Variants in MMP1 observed in about 807,000 individuals in gnomAD.
MMP1 encodes the protein interstitial collagenase.
A neutral mutation model predicts 49.6 loss-of-function variants in MMP1; 51 were observed. That is an observed-to-expected ratio of 1.03 (90% confidence interval 0.82 to 1.30). MMP1 has a LOEUF of 1.30. MMP1 is among the 50% of genes most tolerant of loss of function. The probability of loss-of-function intolerance (pLI) is 0.00; values close to 1 mark genes in which losing one functional copy is unlikely to be tolerated. For missense variants in MMP1, 623 were observed against 568.7 expected (o/e 1.10, Z -0.97); for synonymous variants, 230 against 196.8 (o/e 1.17, Z -1.41).
Position 102,792,755 on chromosome 11 carries a change from C to G in MMP1, c.900-17G>C. On this transcript the variant is annotated splice_polypyrimidine_tract_variant and intron_variant, in intron 6 of 9. Transcript: ENST00000315274. The stretch of plus-strand genomic sequence containing the variant: ...ATGTAGAATCTGATTAGAAAAAAAG[C>G]AAGAAAAGTTTCCATCTAATTTCTG... 1 of 1,605,164 alleles carries G rather than the reference C, an allele frequency of 6.2e-7. No individual in the cohort carries two copies. The highest frequency in any genetic ancestry group is 8.5e-7 in the Non-Finnish European group (1 of 1,174,918).
chr11:102,791,481 C>T lies in MMP1; in HGVS notation c.1048G>A (p.Ala350Thr), dbSNP rs149950482. The change falls in exon 8 of 10, where the codon GCT (alanine) becomes ACT (threonine). Residue 350 changes from alanine (A) to threonine (T), a missense_variant. By Grantham distance (58) the Ala-to-Thr change is moderately conservative. Transcript: ENST00000315274. ...VRFFKGNKYWAVQGQNVLHGY... is the reference protein window; with the variant it reads ...VRFFKGNKYWTVQGQNVLHGY... ...TGTAGCACATTCTGTCCCTGAACAG[C>T]CCAGTACTTATTCCCTGCCAATCAA... 388 of 1,613,564 alleles carry T rather than the reference C, an allele frequency of 2.4e-4. 2 individuals carry two copies. Among genetic ancestry groups the T allele is most frequent in the Non-Finnish European group, 9.6e-5 (113 of 1,179,708 alleles).
In MMP1 at chr11:102,795,267, G is replaced by T; in HGVS notation, c.806C>A (p.Pro269His). 1 of 1,614,040 alleles carries T rather than the reference G, an allele frequency of 6.2e-7. No homozygotes were observed. Among genetic ancestry groups the T allele is most frequent in the Non-Finnish European group, 8.5e-7 (1 of 1,179,990 alleles). ...CGCTTTTGGGGTTTGTGGGCCGATG[G>T]GCTGGACAGGATTTTGGGAACGTCC... ...IYGRSQNPVQ[P>H]IGPQTPKACD... Residue 269 changes from proline to histidine, a missense_variant, in exon 6 of 10, where the codon CCC becomes CAC. Transcript: ENST00000315274.
Position 102,796,731 on chromosome 11 carries a change from T to C in MMP1, c.558A>G (p.Gln186=), listed in dbSNP as rs761145121. The C allele has an allele frequency of 1.3e-5, 21 of 1,613,912 alleles. No homozygotes were observed. Among genetic ancestry groups the C allele is most frequent in the Non-Finnish European group, 6.8e-6 (8 of 1,179,970 alleles). The part of the protein sequence containing the change: ...GPGGNLAHAF[Q]PGPGIGGDAH... ...CATCCCCTCCAATACCTGGGCCTGG[T>C]TGAAAAGCATGAGCAAGATTTCCTC... Residue 186 remains glutamine, a synonymous_variant, in exon 4 of 10, where the codon CAA becomes CAG. Transcript: ENST00000315274.
rs377007368 is a variant in MMP1 at position 102,797,001 on chromosome 11, A to G, written c.499+13T>C. 31 of 1,609,168 alleles carry G rather than the reference A, an allele frequency of 1.9e-5. 1 individual carries two copies. The Middle Eastern group carries it at 4.9e-4, about 26-fold the overall frequency. ...GGGCAAGGTGAGGTTAAGGTGCTATAAGAAGAACTTACCTCCCCTGACAAA... is the reference window on the plus strand; with the variant it reads ...GGGCAAGGTGAGGTTAAGGTGCTATGAGAAGAACTTACCTCCCCTGACAAA... On this transcript the variant is annotated intron_variant, in intron 3 of 9. Transcript: ENST00000315274.
At chr11:102,792,861 C>G in intron 6 of MMP1, 123 bp from the exon 7 acceptor site, 1 of 871,704 alleles carries the variant, frequency 1.1e-6, no homozygotes, top group African/African-American at 1.7e-5. Flanking sequence ...TAACATTCAG[C>G]TCTCCAAAGA....
intron 6 of MMP1, 151 bp downstream of exon 6, chr11:102,795,023 T>C: frequency 1.4e-6 from 1 of 692,544 alleles, no homozygotes; most frequent in East Asian, 2.5e-5. Context: ...TACAAGTACA[T>C]TATGTTGCAC....
Position 102,797,508 on chromosome 11 carries a change from A to C in MMP1, c.106-8T>G. On this transcript the variant is annotated splice_region_variant and splice_polypyrimidine_tract_variant and intron_variant, in intron 1 of 9. Transcript: ENST00000315274. ...GTATTTTTCCAGGTATTTCTGACAAAAGAAAATTATCGAAACACTGCATGG... is the reference window on the plus strand; with the variant it reads ...GTATTTTTCCAGGTATTTCTGACAACAGAAAATTATCGAAACACTGCATGG... The C allele has an allele frequency of 6.2e-7, 1 of 1,613,274 alleles. No individual in the cohort carries two copies. The highest frequency in any genetic ancestry group is 8.5e-7 in the Non-Finnish European group (1 of 1,179,470).
chr11:102,795,522 G>A lies in MMP1; in HGVS notation c.711C>T (p.Tyr237=). The change falls in exon 5 of 10, where the codon TAC becomes TAT. Residue 237 remains tyrosine (Y), a synonymous_variant. Transcript: ENST00000315274. Reference sequence around the variant, plus strand: ...CATCACCACTGAAGGTGTAGCTAGGGTACATCAAAGCCCCGATATCAGTAG... The same window carrying A: ...CATCACCACTGAAGGTGTAGCTAGGATACATCAAAGCCCCGATATCAGTAG... ...SHSTDIGALM[Y]PSYTFSGDVQ... The A allele has an allele frequency of 3.1e-6, 5 of 1,614,024 alleles. No homozygotes were observed. Among genetic ancestry groups the A allele is most frequent in the South Asian group, 2.2e-5 (2 of 91,082 alleles).
chr11:102,790,761 C>T lies in MMP1; in HGVS notation c.1242G>A (p.Met414Ile). ...CAATTCCAGGAAAGTCATGTGCTAT[C>T]ATTTTGGGATAACCTGGATCCATAG... ...KRSMDPGYPKMIAHDFPGIGH... is the reference protein window; with the variant it reads ...KRSMDPGYPKIIAHDFPGIGH... Residue 414 changes from methionine to isoleucine, a missense_variant, in exon 9 of 10, where the codon ATG becomes ATA. Met to Ile is a conservative substitution (Grantham distance 10). Coordinates refer to ENST00000315274, the MANE Select transcript of MMP1 (RefSeq NM_002421.4). The T allele has an allele frequency of 1.2e-6, 2 of 1,613,594 alleles. No homozygotes were observed. The highest frequency in any genetic ancestry group is 1.1e-5 in the South Asian group (1 of 91,062).
rs925535869 is a variant in MMP1 at position 102,791,421 on chromosome 11, A to G, written c.1108T>C (p.Phe370Leu). ...TCGATATGCTTCACAGTTCTAGGGA[A>G]GCCAAAGGAGCTGTAGATGTCCTTG... ...YPKDIYSSFG[F>L]PRTVKHIDAA... Residue 370 changes from phenylalanine to leucine, a missense_variant, in exon 8 of 10, where the codon TTC becomes CTC. Physicochemically the swap from Phe to Leu is conservative, Grantham distance 22. Transcript: ENST00000315274. The G allele has an allele frequency of 6.2e-7, 1 of 1,614,060 alleles. No individual in the cohort carries two copies. Among genetic ancestry groups the G allele is most frequent in the Non-Finnish European group, 8.5e-7 (1 of 1,179,906 alleles).
chr11:102,796,896 A>G, intron 3 of MMP1, 107 bp from the exon 4 acceptor site: 1 of 1,534,378 alleles, frequency 6.5e-7, no homozygotes, highest in Non-Finnish European at 8.8e-7. Flanking sequence ...ATCAACTGTG[A>G]TGCAGTTTCC....
chr11:102,792,123 T>A (rs1271555980), intron 7 of MMP1, among the ~76,000 whole-genome samples: 2 of 152,218 alleles, frequency 1.3e-5, no homozygotes, highest in Non-Finnish European at 2.9e-5. Context: ...CTAACATCCA[T>A]TTAATTTCAT....
At position 102,791,423 on chromosome 11, in the gene MMP1, C is replaced by A. The variant is rs766661356; in HGVS notation, c.1106G>T (p.Gly369Val). The A allele has an allele frequency of 6.2e-7, 1 of 1,614,008 alleles. No individual in the cohort carries two copies. The highest frequency in any genetic ancestry group is 8.5e-7 in the Non-Finnish European group (1 of 1,179,900). The change falls in exon 8 of 10, where the codon GGC becomes GTC. Residue 369 changes from glycine to valine, a missense_variant. Coordinates refer to ENST00000315274, the MANE Select transcript of MMP1 (RefSeq NM_002421.4). ...GATATGCTTCACAGTTCTAGGGAAG[C>A]CAAAGGAGCTGTAGATGTCCTTGGG... is the stretch of plus-strand genomic sequence containing the variant. Reference protein sequence around the residue: ...GYPKDIYSSFGFPRTVKHIDA... With the variant: ...GYPKDIYSSFVFPRTVKHIDA...
At position 102,790,957 on chromosome 11, in the gene MMP1, T is replaced by C. The variant is rs1858012253; in HGVS notation, c.1197-151A>G. 1.1e-5 allele frequency: 7 copies of C among 622,910 alleles called. No individual in the cohort carries two copies. In the South Asian group the frequency reaches 1.4e-4, roughly 12 times the overall value. The allele number at this position is 622,910 out of a possible 1,614,324, so 38.6% of individuals were successfully genotyped here. On this transcript the variant is annotated intron_variant, in intron 8 of 9. Transcript: ENST00000315274. Reference sequence around the variant, plus strand: ...GGGGAGTGGATGGGATAAGGTGGAATGTTGGGTGAACTAAAAGGCCTTTAA... The same window carrying C: ...GGGGAGTGGATGGGATAAGGTGGAACGTTGGGTGAACTAAAAGGCCTTTAA...
rs1322385628 is a variant in MMP1, at chr11:102,793,969, G to C, written c.899+1205C>G. 2.0e-5 allele frequency among the ~76,000 whole-genome samples: 3 copies of C among 152,136 alleles called. No homozygotes were observed. In the East Asian group the frequency reaches 5.8e-4, roughly 29 times the overall value. On this transcript the variant is annotated intron_variant, in intron 6 of 9. Transcript: ENST00000315274. ...AAATCAGTTACTATCTCTATCTCTA[G>C]CCTTTCATGTCTCCTCGACATGGCG...
At chr11:102,795,102 T>C (rs1858143471) in intron 6 of MMP1, 72 bp downstream of exon 6, 4 of 1,172,942 alleles carry the variant, frequency 3.4e-6, no homozygotes, top group Admixed American at 3.4e-5. Flanking sequence ...ATGTGAAGCA[T>C]AATAGTTAAT....
At chr11:102,790,665 G>A (rs200717007) in intron 9 of MMP1, 38 bp downstream of exon 9, 15 of 1,423,372 alleles carry the variant, frequency 1.1e-5, no homozygotes, top group Admixed American at 1.0e-4. Context: ...TTATTGCTAC[G>A]GCAATGAAAT....
Position 102,792,599 on chromosome 11 carries a change from G to T in MMP1, c.1033+6C>A, listed in dbSNP as rs762171217. On this transcript the variant is annotated splice_donor_region_variant and intron_variant, in intron 7 of 9. Transcript: ENST00000315274. ...TAAAGCAGTGAAAAATAATTAGAAA[G>T]ATTACCTTTGAAAAACCGGACTTCA... 5 of 1,612,800 alleles carry T rather than the reference G, an allele frequency of 3.1e-6. No individual in the cohort carries two copies. Among genetic ancestry groups the T allele is most frequent in the Non-Finnish European group, 3.4e-6 (4 of 1,179,366 alleles).
In MMP1 at chr11:102,794,756, A is replaced by G. The variant is rs958754444; in HGVS notation, c.899+418T>C. ...TCATCAGTGAGATGTTGCTATGGAA[A>G]GGACCACTTTCTCCTAAGAAAGTCC... On this transcript the variant is annotated intron_variant, in intron 6 of 9. Coordinates refer to ENST00000315274, the MANE Select transcript of MMP1 (RefSeq NM_002421.4). This position sits in a 1 kb window ranked among gnomAD's most constrained non-coding sequence, Gnocchi z 4.3. Among the ~76,000 whole-genome samples the G allele has an allele frequency of 1.3e-5, 2 of 152,200 alleles. No individual in the cohort carries two copies. The highest frequency in any genetic ancestry group is 2.9e-5 in the Non-Finnish European group (2 of 68,040).
Sources: allele counts gnomAD v4.1 joint callset (sites outside exome capture counted in the v4.1 genomes callset), GRCh38; gene constraint gnomAD v4.1.1; non-coding constraint Gnocchi (gnomAD v3.1); transcripts MANE v1.5; gene names NCBI Gene and HGNC (gene_info 2026-07-23, HGNC 2026-07-21).